KRTAP9-6: variants seen among roughly 807,000 people sequenced by gnomAD.
The protein encoded by KRTAP9-6 is keratin-associated protein 9-6.
Under a neutral mutation model 11.3 loss-of-function variants are expected in KRTAP9-6, and 5 were observed. That is an observed-to-expected ratio of 0.44 (90% CI 0.23 to 0.93). The LOEUF is 0.93. KRTAP9-6 is among the 40% of genes least tolerant of loss of function. KRTAP9-6 has a pLI of 0.23. For synonymous variants in KRTAP9-6, 37 were observed against 57.8 expected, an observed-to-expected ratio of 0.64 and a Z score of 1.63; for missense variants, 81 against 159.6, an observed-to-expected ratio of 0.51 and a Z score of 2.65.
exon 1 of KRTAP9-6, chr17:41,265,490 G>A (rs1449529986): frequency 6.2e-7 from 1 of 1,612,382 alleles, no homozygotes; most frequent in Admixed American, 1.7e-5. Flanking sequence ...ACACCCTGCT[G>A]CCAGCCCTCC....
At chr17:41,265,566 G>C (rs1389603475) in exon 1 of KRTAP9-6, 2 of 1,567,916 alleles carry the variant, frequency 1.3e-6, no homozygotes, top group South Asian at 2.3e-5. Flanking sequence ...CCTGCTGCAG[G>C]ACCACCTGCT....
rs1408963612 is a variant in KRTAP9-6, at chr17:41,265,710, T to C, written c.333T>C (p.Cys111=). 2.7e-6 allele frequency: 2 copies of C among 739,302 alleles called. 1 individual carries two copies. Among genetic ancestry groups the C allele is most frequent in the East Asian group, 7.8e-5 (2 of 25,480 alleles). The allele number at this position is 739,302 out of a possible 1,614,324, so 45.8% of individuals were successfully genotyped here. ...CCAGCTGTGGCCAGAGCAGCTCCTGTGCACCTGTGTACTGCAGAAGAACCT... is the reference window on the plus strand; with the variant it reads ...CCAGCTGTGGCCAGAGCAGCTCCTGCGCACCTGTGTACTGCAGAAGAACCT... The change falls in exon 1 of 1, where the codon TGT becomes TGC. Residue 111 remains cysteine, a synonymous_variant. Coordinates refer to ENST00000391355, the Ensembl canonical transcript of KRTAP9-6.
chr17:41,265,464 G>A, exon 1 of KRTAP9-6: 1 of 1,612,642 alleles, frequency 6.2e-7, no homozygotes, highest in African/African-American at 1.3e-5. Flanking sequence ...CCACCATTGT[G>A]ACCACCTGCA....
At chr17:41,265,408 C>T (rs200243577) in exon 1 of KRTAP9-6, 14 of 1,612,068 alleles carry the variant, frequency 8.7e-6, no homozygotes, top group Non-Finnish European at 1.1e-5. Flanking sequence ...TGGCTGTCAG[C>T]CTACCTGCTG....
rs12938150 is a variant in KRTAP9-6, at chr17:41,265,773, C to A, written c.396C>A (p.Leu132=). The change falls in exon 1 of 1, where the codon CTC becomes CTA. Residue 132 remains leucine, a synonymous_variant. Coordinates refer to ENST00000391355, the Ensembl canonical transcript of KRTAP9-6. ...CGACTGTCTGCCTGCCTGGTTGCCT[C>A]AACCAGAGCTGTGGATCCAGCTGCT... 4.9e-3 allele frequency: 3,619 copies of A among 738,758 alleles called. 1,289 individuals are homozygous for A. The African/African-American group carries it at 0.058, about 12-fold the overall frequency. The allele number at this position is 738,758 out of a possible 1,614,324, so 45.8% of individuals were successfully genotyped here.
At chr17:41,265,383 C>G in exon 1 of KRTAP9-6, 3 of 1,611,244 alleles carry the variant, frequency 1.9e-6, no homozygotes, top group Non-Finnish European at 2.5e-6. Context: ...ACAACATGAC[C>G]CACTGTTGCT....
At chr17:41,265,399 G>T (rs749346269) in exon 1 of KRTAP9-6, 218 of 1,611,706 alleles carry the variant, frequency 1.4e-4, no homozygotes, top group Non-Finnish European at 6.0e-5. Context: ...TTGCTCCCCT[G>T]GCTGTCAGCC....
At chr17:41,265,610 C>A (rs1211015664) in exon 1 of KRTAP9-6, 1 of 1,559,682 alleles carries the variant, frequency 6.4e-7, no homozygotes. Context: ...TGCTGCCAGC[C>A]TTCCTGCTGC....
chr17:41,265,857 C>T lies in KRTAP9-6; in HGVS notation c.480C>T (p.Cys160=). 2 of 741,354 alleles carry T rather than the reference C, an allele frequency of 2.7e-6. 1 individual carries two copies. The highest frequency in any genetic ancestry group is 3.7e-5 in the African/African-American group (2 of 54,004). 45.9% of individuals were successfully genotyped at this position (741,354 alleles called of 1,614,324 possible). A position where few individuals can be genotyped will look rare whatever the true frequency, so the allele number is the denominator to read the frequency against. Residue 160 remains cysteine, a synonymous_variant, in exon 1 of 1, where the codon TGC becomes TGT. Coordinates refer to ENST00000391355, the Ensembl canonical transcript of KRTAP9-6. ...CCAGCTGCTGCCAGCATTCTTGTTG[C>T]TGAGCAGCACCACAGAGGACCATCA... is the stretch of plus-strand genomic sequence containing the variant.
chr17:41,265,498 T>G (rs200063505), exon 1 of KRTAP9-6: 293 of 1,585,806 alleles, frequency 1.8e-4, no homozygotes, highest in Middle Eastern at 9.5e-4. Flanking sequence ...CTGCCAGCCC[T>G]CCTGCTGTGT....
At chr17:41,265,601 G>A in exon 1 of KRTAP9-6, 1 of 1,574,130 alleles carries the variant, frequency 6.4e-7, no homozygotes, top group Non-Finnish European at 8.6e-7. Context: ...GTGACCAGCT[G>A]CTGCCAGCCT....
chr17:41,265,495 C>A (rs1168562733), exon 1 of KRTAP9-6: 1 of 1,588,722 alleles, frequency 6.3e-7, no homozygotes, highest in Non-Finnish European at 8.6e-7. Flanking sequence ...CTGCTGCCAG[C>A]CCTCCTGCTG....
chr17:41,265,477 A>C (rs1212705473), exon 1 of KRTAP9-6: 8 of 1,612,334 alleles, frequency 5.0e-6, no homozygotes. Context: ...CACCTGCAGC[A>C]GCACACCCTG....
exon 1 of KRTAP9-6, chr17:41,265,433 G>C: frequency 6.2e-7 from 1 of 1,612,254 alleles, no homozygotes; most frequent in Non-Finnish European, 8.5e-7. Flanking sequence ...ACCACTTGCT[G>C]CAGGACTACC....
chr17:41,265,436 G>A, exon 1 of KRTAP9-6: 1 of 1,612,268 alleles, frequency 6.2e-7, no homozygotes, highest in Non-Finnish European at 8.5e-7. Context: ...ACTTGCTGCA[G>A]GACTACCTGC....
rs757520196 is a variant in KRTAP9-6 at position 41,265,643 on chromosome 17, T to C, written c.266T>C (p.Ile89Thr). ...TGCAGCACACCCTGCTACCAGCCCA[T>C]CTGCTGTGGGTCCAGCTGCTGTGGC... Residue 89 changes from isoleucine to threonine, a missense_variant, in exon 1 of 1, where the codon ATC (isoleucine) becomes ACC (threonine). Physicochemically the swap from Ile to Thr is moderately conservative, Grantham distance 89. Transcript: ENST00000391355. 8.8e-5 allele frequency: 130 copies of C among 1,471,132 alleles called. 2 individuals are homozygous for C. In the African/African-American group the frequency reaches 1.6e-3, roughly 18 times the overall value. 91.1% of individuals were successfully genotyped at this position (1,471,132 alleles called of 1,614,324 possible).
exon 1 of KRTAP9-6, chr17:41,265,575 C>T (rs1467382344): frequency 2.5e-6 from 4 of 1,595,072 alleles, no homozygotes; most frequent in South Asian, 2.2e-5. Flanking sequence ...GGACCACCTG[C>T]TGCCAGCCCA....
chr17:41,265,626 A>G lies in KRTAP9-6; in HGVS notation c.249A>G (p.Thr83=), dbSNP rs2016460508. 11 of 1,526,244 alleles carry G rather than the reference A, an allele frequency of 7.2e-6. No individual in the cohort carries two copies. The Middle Eastern group carries it at 5.9e-4, about 82-fold the overall frequency. 94.5% of individuals were successfully genotyped at this position (1,526,244 alleles called of 1,614,324 possible). A position where few individuals can be genotyped will look rare whatever the true frequency, so the allele number is the denominator to read the frequency against. Residue 83 remains threonine (T), a synonymous_variant, in exon 1 of 1, where the codon ACA becomes ACG. Transcript: ENST00000391355. Reference sequence around the variant, plus strand: ...GCTGCCAGCCTTCCTGCTGCAGCACACCCTGCTACCAGCCCATCTGCTGTG... The same window carrying G: ...GCTGCCAGCCTTCCTGCTGCAGCACGCCCTGCTACCAGCCCATCTGCTGTG...
At chr17:41,265,442 C>G in exon 1 of KRTAP9-6, 1 of 1,612,792 alleles carries the variant, frequency 6.2e-7, no homozygotes. Context: ...TGCAGGACTA[C>G]CTGCTGGCAG....
Sources: allele counts gnomAD v4.1 joint callset, GRCh38; gene constraint gnomAD v4.1.1; transcripts MANE v1.5; gene names NCBI Gene and HGNC (gene_info 2026-07-23, HGNC 2026-07-21).